PRORP: variants seen among roughly 807,000 people sequenced by gnomAD.
The protein encoded by PRORP is mitochondrial ribonuclease P catalytic subunit.
A neutral mutation model predicts 59.4 loss-of-function variants in PRORP; 51 were observed. That is an observed-to-expected ratio of 0.86 (90% confidence interval 0.69 to 1.08). The LOEUF is 1.08. Among genes scored for constraint, PRORP ranks in the 50% least tolerant of loss-of-function variants. The pLI is 0.00. For missense variants in PRORP, 646 were observed against 690.3 expected (o/e 0.94, Z 0.72); for synonymous variants, 231 against 245.6 (o/e 0.94, Z 0.55).
chr14:35,126,306 G>A (rs2047096163), intron 2 of PRORP, among the ~76,000 whole-genome samples: 1 of 152,180 alleles, frequency 6.6e-6, no homozygotes, highest in African/African-American at 2.4e-5. Flanking sequence ...GGCATTGCGA[G>A]TGTTTTATAA....
intron 4 of PRORP, among the ~76,000 whole-genome samples, chr14:35,180,179 G>A (rs2048565660): frequency 6.6e-6 from 1 of 152,190 alleles, no homozygotes; most frequent in Admixed American, 6.5e-5. Context: ...CACTTGAGGA[G>A]GCAGTCTGTC....
intron 4 of PRORP, among the ~76,000 whole-genome samples, chr14:35,142,295 G>A (rs1267559355): frequency 7.1e-6 from 1 of 141,334 alleles, no homozygotes; most frequent in Non-Finnish European, 1.6e-5. Context: ...GATAATAAGT[G>A]TGAGCCACCA....
At position 35,188,713 on chromosome 14, in the gene PRORP, C is replaced by G. The variant is rs145936461; in HGVS notation, c.1275+7936C>G. 7.2e-5 allele frequency among the ~76,000 whole-genome samples: 11 copies of G among 151,808 alleles called. No individual in the cohort carries two copies. The East Asian group carries it at 2.1e-3, about 30-fold the overall frequency. On this transcript the variant is annotated intron_variant, in intron 5 of 7. Coordinates refer to ENST00000534898, the MANE Select transcript of PRORP (RefSeq NM_014672.4). ...TGCCTAAGAGCCGGGCGCCGTGGCT[C>G]ACGCCTGTAATCCCAGAACTTTGGG...
chr14:35,178,261 G>A (rs1400224300), intron 4 of PRORP, among the ~76,000 whole-genome samples: 2 of 152,132 alleles, frequency 1.3e-5, no homozygotes, highest in African/African-American at 2.4e-5. Flanking sequence ...TATTAGGTCC[G>A]CTTGATGCCG....
intron 5 of PRORP, among the ~76,000 whole-genome samples, chr14:35,197,147 A>C (rs1213649864): frequency 6.6e-6 from 1 of 152,150 alleles, no homozygotes; most frequent in African/African-American, 2.4e-5. Flanking sequence ...TCCTAATAGC[A>C]AGTTGATTTC....
intron 4 of PRORP, among the ~76,000 whole-genome samples, chr14:35,173,202 CTG>C (rs2048364167): frequency 1.3e-5 from 2 of 152,088 alleles, no homozygotes; most frequent in South Asian, 4.1e-4. Context: ...TTTTTCTTGA[CTG>C]TGGATCACAT....
intron 4 of PRORP, among the ~76,000 whole-genome samples, chr14:35,149,162 G>A (rs933131285): frequency 1.3e-5 from 2 of 150,268 alleles, no homozygotes; most frequent in Non-Finnish European, 1.5e-5. Context: ...CTCGTGATCC[G>A]CCCGCCTCGG....
At chr14:35,266,494 A>G (rs555005534) in intron 5 of PRORP, among the ~76,000 whole-genome samples, 1 of 151,266 alleles carries the variant, frequency 6.6e-6, no homozygotes, top group South Asian at 2.1e-4. Flanking sequence ...ACACAAAAAT[A>G]AAGAAACCCC....
intron 5 of PRORP, among the ~76,000 whole-genome samples, chr14:35,266,013 CAAAA>C (rs35304125): frequency 2.6e-5 from 3 of 117,116 alleles, no homozygotes; most frequent in East Asian, 2.8e-4. Flanking sequence ...CCATCTCTAC[CAAAA>C]AAAAAAAAAA....
chr14:35,129,217 A>G (rs2047174275), intron 4 of PRORP, among the ~76,000 whole-genome samples: 1 of 152,088 alleles, frequency 6.6e-6, no homozygotes. Flanking sequence ...TCAAAAAAAA[A>G]AGATGCATAT....
At chr14:35,272,806 C>T (rs561595402) in intron 7 of PRORP, among the ~76,000 whole-genome samples, 1 of 152,224 alleles carries the variant, frequency 6.6e-6, no homozygotes, top group Non-Finnish European at 1.5e-5. Flanking sequence ...GGTTTCAGGA[C>T]CTCTCACAGA....
At chr14:35,178,460 C>G (rs1483566580) in intron 4 of PRORP, among the ~76,000 whole-genome samples, 1 of 152,182 alleles carries the variant, frequency 6.6e-6, no homozygotes, top group Non-Finnish European at 1.5e-5. Flanking sequence ...GGATAGTTAG[C>G]TCTTCTTGTT....
chr14:35,259,590 T>A (rs2050847015), intron 5 of PRORP, among the ~76,000 whole-genome samples: 1 of 152,212 alleles, frequency 6.6e-6, no homozygotes, highest in Non-Finnish European at 1.5e-5. Flanking sequence ...AATGGCTTTT[T>A]AAAATCTATA....
chr14:35,201,118 G>A (rs779540140), intron 5 of PRORP, among the ~76,000 whole-genome samples: 1 of 152,140 alleles, frequency 6.6e-6, no homozygotes, highest in Non-Finnish European at 1.5e-5. Context: ...TTTTGGGTAG[G>A]AAGACCACAG....
At chr14:35,192,955 T>C (rs1414439607) in intron 5 of PRORP, among the ~76,000 whole-genome samples, 1 of 148,830 alleles carries the variant, frequency 6.7e-6, no homozygotes, top group East Asian at 2.0e-4. Context: ...ATTGTGCCAC[T>C]ACAGTCCAGC....
At chr14:35,152,580 C>T (rs1026943093) in intron 4 of PRORP, among the ~76,000 whole-genome samples, 5 of 150,710 alleles carry the variant, frequency 3.3e-5, no homozygotes, top group South Asian at 2.1e-4. Flanking sequence ...CCCTCCCGGA[C>T]GGGGCGGCTG....
chr14:35,156,769 G>A (rs1327519333), intron 4 of PRORP, among the ~76,000 whole-genome samples: 1 of 152,072 alleles, frequency 6.6e-6, no homozygotes, highest in Non-Finnish European at 1.5e-5. Context: ...ATATGATAAG[G>A]CCATATCAAG....
At chr14:35,192,443 G>C (rs1024195071) in intron 5 of PRORP, among the ~76,000 whole-genome samples, 2 of 152,132 alleles carry the variant, frequency 1.3e-5, no homozygotes, top group Admixed American at 6.5e-5. Flanking sequence ...TCTTTGCCTG[G>C]ATTGTCTTTT....
intron 5 of PRORP, chr14:35,262,781 T>C (rs2050938532): frequency 8.2e-7 from 1 of 1,223,840 alleles, no homozygotes; most frequent in South Asian, 1.2e-5. Context: ...TCCAGGAGAA[T>C]GGGTCTCTTG....
Sources: gnomAD v4.1 joint callset for allele counts (sites outside exome capture counted in the v4.1 genomes callset) on GRCh38, gnomAD v4.1.1 for gene constraint, MANE v1.5 for transcripts, NCBI Gene and HGNC (gene_info 2026-07-23, HGNC 2026-07-21) for gene names.